Variants in NHSL1 observed in about 807,000 individuals in gnomAD.
NHSL1 encodes NHS like 1, also known as NHS-like protein 1.
In NHSL1, 48 loss-of-function variants were observed where a neutral mutation model predicts 95.0. That is an observed-to-expected ratio of 0.51 (90% confidence interval 0.40 to 0.64). The LOEUF (loss-of-function observed/expected upper bound fraction) is 0.64, where lower values mean the gene tolerates loss of function less well. Ranked by LOEUF, NHSL1 falls within the 30% of genes least tolerant of loss-of-function variation. The probability of loss-of-function intolerance (pLI) is 0.00; values close to 1 mark genes in which losing one functional copy is unlikely to be tolerated. For synonymous variants in NHSL1, 783 were observed against 833.9 expected (o/e 0.94, Z 1.05); for missense variants, 1,971 against 2,077.7 (o/e 0.95, Z 1.00).
At chr6:138,532,726 T>G (rs1410654050) in intron 1 of NHSL1, among the ~76,000 whole-genome samples, 1 of 152,212 alleles carries the variant, frequency 6.6e-6, no homozygotes, top group East Asian at 1.9e-4. Context: ...AATGTGAGAC[T>G]TGGGATCAGA....
upstream of NHSL1, chr6:138,545,802 C>T: frequency 9.3e-6 from 11 of 1,183,234 alleles, no homozygotes; most frequent in African/African-American, 1.6e-5. Context: ...CCCCAGCCTG[C>T]TGGGCTGTGC....
intron 1 of NHSL1, among the ~76,000 whole-genome samples, chr6:138,557,907 TA>T (rs1783252978): frequency 6.6e-6 from 1 of 152,218 alleles, no homozygotes; most frequent in Non-Finnish European, 1.5e-5. Context: ...CCATGACCTG[TA>T]AACAGGCTCT....
At chr6:138,554,676 C>T (rs1174423117) in intron 1 of NHSL1, among the ~76,000 whole-genome samples, 2 of 152,146 alleles carry the variant, frequency 1.3e-5, no homozygotes, top group Non-Finnish European at 2.9e-5. Flanking sequence ...TATTTAATTT[C>T]TTTAAGGCCT....
intron 1 of NHSL1, among the ~76,000 whole-genome samples, chr6:138,508,691 G>A (rs568937811): frequency 7.2e-5 from 11 of 152,076 alleles, no homozygotes; most frequent in Non-Finnish European, 1.3e-4. Flanking sequence ...TTGATCCTCC[G>A]CTTACCCACT....
chr6:138,589,419 G>A (rs1190908304), intron 1 of NHSL1, among the ~76,000 whole-genome samples: 5 of 152,140 alleles, frequency 3.3e-5, no homozygotes, highest in African/African-American at 2.4e-5. Flanking sequence ...CGAGCCAAGC[G>A]GGGGCCTGGC....
At position 138,424,151 on chromosome 6, in the gene NHSL1, TC is replaced by T; in HGVS notation, c.4750del (p.Asp1584MetfsTer19). The T allele has an allele frequency of 6.9e-7, 1 of 1,445,258 alleles. No homozygotes were observed. The highest frequency in any genetic ancestry group is 9.1e-7 in the Non-Finnish European group (1 of 1,103,068). The allele number at this position is 1,445,258 out of a possible 1,614,324, so 89.5% of individuals were successfully genotyped here. A position where few individuals can be genotyped will look rare whatever the true frequency, so the allele number is the denominator to read the frequency against. Reference sequence around the variant, plus strand: ...TCTGCCCTCTGCACTGGCTGTCCCATCCACAGGGCCGGGGGCCTGGGGCTGC... The same window carrying T: ...TCTGCCCTCTGCACTGGCTGTCCCATCACAGGGCCGGGGGCCTGGGGCTGC... The part of the protein sequence containing the change: ...SLQPQAPGPV[D>X]GTASAEGREP... On this transcript the variant is annotated frameshift_variant, in exon 8 of 8. Coordinates refer to ENST00000343505, the MANE Select transcript of NHSL1 (RefSeq NM_001144060.2). LOFTEE classifies it low-confidence loss of function (END_TRUNC). This position sits in a 1 kb window ranked among gnomAD's most constrained non-coding sequence, Gnocchi z 5.9.
chr6:138,673,010 C>CATAGATAGCTAG (rs1166831049), intron 1 of NHSL1, among the ~76,000 whole-genome samples: 1 of 134,936 alleles, frequency 7.4e-6, no homozygotes, highest in African/African-American at 2.8e-5. Context: ...AAGACTGTCT[C>CATAGATAGCTAG]ATAGATAGCT....
intron 1 of NHSL1, among the ~76,000 whole-genome samples, chr6:138,539,130 A>T (rs1782479387): frequency 6.6e-6 from 1 of 152,214 alleles, no homozygotes; most frequent in Non-Finnish European, 1.5e-5. Context: ...TAAATCAAAT[A>T]GTTTGTCATT....
At chr6:138,627,881 A>G (rs1784763696) in intron 1 of NHSL1, among the ~76,000 whole-genome samples, 1 of 152,072 alleles carries the variant, frequency 6.6e-6, no homozygotes, top group East Asian at 1.9e-4. Flanking sequence ...ACTCCGTCTA[A>G]AAATAAAAAT....
chr6:138,447,034 C>T lies in NHSL1; in HGVS notation c.499G>A (p.Val167Ile). The T allele has an allele frequency of 6.4e-7, 1 of 1,551,730 alleles. No homozygotes were observed. Among genetic ancestry groups the T allele is most frequent in the Admixed American group, 2.0e-5 (1 of 51,006 alleles). The change falls in exon 4 of 8, where the codon GTC becomes ATC. Residue 167 changes from valine (V) to isoleucine (I), a missense_variant. Physicochemically the swap from Val to Ile is conservative, Grantham distance 29 (BLOSUM62 3). This residue lies in a region of NHSL1 where 1,602 missense variants were observed against 1,654.5 expected (regional missense o/e 0.97). Coordinates refer to ENST00000343505, the MANE Select transcript of NHSL1 (RefSeq NM_001144060.2). ...EEKMRQQAQT[V>I]QADVVPINIT... ...TTAATAGGCACCACGTCAGCCTGGA[C>T]TGTTTGGGCTTGCTGTCGCATCTTC...
chr6:138,538,536 C>T (rs1782452168), intron 1 of NHSL1, among the ~76,000 whole-genome samples: 1 of 152,162 alleles, frequency 6.6e-6, no homozygotes, highest in Admixed American at 6.5e-5. Context: ...AGAGACCACA[C>T]ATTAAGTCAC....
At chr6:138,616,956 G>A (rs759530883) in intron 1 of NHSL1, among the ~76,000 whole-genome samples, 6 of 152,210 alleles carry the variant, frequency 3.9e-5, no homozygotes, top group Admixed American at 1.3e-4. Flanking sequence ...GAAGGACCTG[G>A]AAGTACCGGC....
chr6:138,610,724 T>G (rs1784500997), intron 1 of NHSL1, among the ~76,000 whole-genome samples: 1 of 152,002 alleles, frequency 6.6e-6, no homozygotes, highest in Non-Finnish European at 1.5e-5. Flanking sequence ...CACTTACTCA[T>G]CTATTCCAAA....
upstream of NHSL1, among the ~76,000 whole-genome samples, chr6:138,546,427 C>CAAAAA (rs1177720465): frequency 1.3e-3 from 68 of 50,952 alleles, 1 homozygote; most frequent in African/African-American, 2.7e-3. Context: ...CCCATCTCTA[C>CAAAAA]AAAAAAAAAA....
At chr6:138,526,619 G>C (rs532715119) in intron 1 of NHSL1, among the ~76,000 whole-genome samples, 8 of 152,230 alleles carry the variant, frequency 5.3e-5, no homozygotes, top group Admixed American at 3.9e-4. Context: ...CAGTGGGTTT[G>C]CCATTTTTCT....
chr6:138,475,622 A>T (rs1348872702), intron 2 of NHSL1, among the ~76,000 whole-genome samples: 2 of 152,124 alleles, frequency 1.3e-5, no homozygotes, highest in Non-Finnish European at 2.9e-5. Context: ...TAAAGCTAAG[A>T]TTAAAAAATA....
Position 138,674,271 on chromosome 6 carries a change from T to G in NHSL1, c.96+18205A>C, listed in dbSNP as rs1397170391. ...AATGCTCTTTCTGCATCTGTTGATA[T>G]AATTTTTTTAATTTTTTGAAGCGTG... On this transcript the variant is annotated intron_variant, in intron 1 of 3. Coordinates refer to the NHSL1 transcript ENST00000491526. Among the ~76,000 whole-genome samples the G allele has an allele frequency of 6.5e-5, 6 of 92,194 alleles. No individual in the cohort carries two copies. In the Admixed American group the frequency reaches 7.0e-4, roughly 11 times the overall value. 60.5% of individuals were successfully genotyped at this position (92,194 alleles called of 152,430 possible).
At chr6:138,598,962 G>A (rs1459410106) in intron 1 of NHSL1, among the ~76,000 whole-genome samples, 3 of 152,190 alleles carry the variant, frequency 2.0e-5, no homozygotes, top group Non-Finnish European at 4.4e-5. Flanking sequence ...AAAAGTGCAA[G>A]AGTCCAAGGT....
intron 1 of NHSL1, among the ~76,000 whole-genome samples, chr6:138,533,071 C>T (rs762350547): frequency 6.6e-6 from 1 of 152,072 alleles, no homozygotes; most frequent in African/African-American, 2.4e-5. Context: ...ATAATCAACT[C>T]GCTTAAATAG....
Sources: allele counts gnomAD v4.1 joint callset (sites outside exome capture counted in the v4.1 genomes callset), GRCh38; gene constraint gnomAD v4.1.1; regional missense constraint gnomAD v4.1.1; non-coding constraint Gnocchi (gnomAD v3.1); transcripts MANE v1.5; gene names NCBI Gene and HGNC (gene_info 2026-07-23, HGNC 2026-07-21).